The following TCF4 variants were observed in gnomAD, a reference collection of about 807,000 sequenced individuals.
TCF4 encodes the protein transcription factor 4, also known as SL3-3 enhancer factor 2.
A neutral mutation model predicts 82.1 loss-of-function variants in TCF4; 3 were observed. The observed-to-expected ratio is 0.04, with a 90% CI of 0.02 to 0.09. TCF4 has a LOEUF of 0.09. Ranked by LOEUF, TCF4 falls within the 10% of genes least tolerant of loss-of-function variation. TCF4 has a pLI of 1.00. For missense variants in TCF4, 518 were observed against 852.7 expected (o/e 0.61, Z 4.89); for synonymous variants, 276 against 309.6 (o/e 0.89, Z 1.14).
chr18:55,428,881 AT>A (rs2095085080), intron 5 of TCF4, among the ~76,000 whole-genome samples: 1 of 152,140 alleles, frequency 6.6e-6, no homozygotes, highest in Non-Finnish European at 1.5e-5. Context: ...CTGGAGAGAG[AT>A]TTTGGTGAAC....
At chr18:55,585,677 G>T in intron 2 of TCF4, 1 of 893,422 alleles carries the variant, frequency 1.1e-6, no homozygotes, top group Non-Finnish European at 1.4e-6. Flanking sequence ...AAAAACACTA[G>T]TTTCACCAAG....
chr18:55,504,256 G>C (rs1035897174), intron 3 of TCF4, among the ~76,000 whole-genome samples: 1 of 152,296 alleles, frequency 6.6e-6, no homozygotes, highest in East Asian at 1.9e-4. Flanking sequence ...GTATACATGG[G>C]AGAAAAGAGA....
chr18:55,392,370 A>T (rs111740352), intron 6 of TCF4, among the ~76,000 whole-genome samples: 1 of 150,960 alleles, frequency 6.6e-6, no homozygotes, highest in South Asian at 2.1e-4. Flanking sequence ...TACAGTCCCA[A>T]CTACTCAGAG....
chr18:55,518,441 G>A (rs1270101140), intron 3 of TCF4, among the ~76,000 whole-genome samples: 2 of 152,090 alleles, frequency 1.3e-5, no homozygotes, highest in African/African-American at 2.4e-5. Context: ...ATGTAGGAGA[G>A]ACTTAAGTAA....
chr18:55,314,140 A>T (rs2073415675), intron 8 of TCF4, among the ~76,000 whole-genome samples: 1 of 152,174 alleles, frequency 6.6e-6, no homozygotes, highest in Non-Finnish European at 1.5e-5. Context: ...GTAGTCTTTT[A>T]ATCACATCAA....
At chr18:55,351,302 A>G in intron 6 of TCF4, 1 of 339,680 alleles carries the variant, frequency 2.9e-6, no homozygotes, top group Admixed American at 4.6e-5. Context: ...CATTTATATA[A>G]GACTAATGTT....
intron 3 of TCF4, among the ~76,000 whole-genome samples, chr18:55,576,423 A>G (rs2097528660): frequency 6.6e-6 from 1 of 152,222 alleles, no homozygotes; most frequent in South Asian, 2.1e-4. Context: ...ACGCAAACTC[A>G]GTCAAGAAAA....
At chr18:55,367,110 T>C (rs1009340703) in intron 6 of TCF4, among the ~76,000 whole-genome samples, 1 of 152,200 alleles carries the variant, frequency 6.6e-6, no homozygotes, top group African/African-American at 2.4e-5. Flanking sequence ...TGCTCTGTAA[T>C]ACGTGTTGCA....
At chr18:55,250,849 G>T (rs1276158885) in intron 15 of TCF4, among the ~76,000 whole-genome samples, 1 of 152,170 alleles carries the variant, frequency 6.6e-6, no homozygotes, top group Non-Finnish European at 1.5e-5. Context: ...ACAGCTATGC[G>T]GAGCTGGTTA....
chr18:55,457,512 G>A (rs1218184677), intron 5 of TCF4, among the ~76,000 whole-genome samples: 1 of 121,244 alleles, frequency 8.2e-6, no homozygotes, highest in Non-Finnish European at 1.7e-5. Context: ...TTTGAGATGG[G>A]ATCTCACTTA....
chr18:55,340,036 A>G (rs946711579), intron 8 of TCF4, among the ~76,000 whole-genome samples: 1 of 152,200 alleles, frequency 6.6e-6, no homozygotes, highest in Admixed American at 6.5e-5. Flanking sequence ...GGCAAAGCTA[A>G]TATCTTAGGC....
chr18:55,234,813 G>A, intron 15 of TCF4, 130 bp from the exon 16 acceptor site: 1 of 1,340,148 alleles, frequency 7.5e-7, no homozygotes, highest in Non-Finnish European at 1.1e-6. Context: ...TCACTAGAGG[G>A]CGCTGAAGGA....
At chr18:55,570,924 C>A (rs1192303125) in intron 3 of TCF4, among the ~76,000 whole-genome samples, 1 of 148,650 alleles carries the variant, frequency 6.7e-6, no homozygotes. Context: ...TAATGGGATA[C>A]ATTTTCTATT....
chr18:55,248,001 G>A (rs765624359), intron 15 of TCF4, among the ~76,000 whole-genome samples: 1 of 152,170 alleles, frequency 6.6e-6, no homozygotes, highest in Non-Finnish European at 1.5e-5. Flanking sequence ...TTGACTGCTT[G>A]GCAGGAAATC....
At chr18:55,297,409 C>T (rs1189589521) in intron 8 of TCF4, among the ~76,000 whole-genome samples, 1 of 151,924 alleles carries the variant, frequency 6.6e-6, no homozygotes, top group African/African-American at 2.4e-5. Context: ...CTTGTGGATA[C>T]AAAAGTACAA....
At chr18:55,304,159 G>A (rs939485544) in intron 8 of TCF4, among the ~76,000 whole-genome samples, 4 of 152,164 alleles carry the variant, frequency 2.6e-5, no homozygotes, top group African/African-American at 2.4e-5. Context: ...TGTGAATGGC[G>A]GAAGTTGTGA....
intron 3 of TCF4, among the ~76,000 whole-genome samples, chr18:55,564,562 T>C (rs1390825077): frequency 6.6e-6 from 1 of 152,196 alleles, no homozygotes; most frequent in Non-Finnish European, 1.5e-5. Context: ...AAGGTCAAAG[T>C]GTCCGGAACT....
intron 15 of TCF4, among the ~76,000 whole-genome samples, chr18:55,248,318 T>C (rs1009603995): frequency 6.6e-6 from 1 of 152,238 alleles, no homozygotes; most frequent in Non-Finnish European, 1.5e-5. Context: ...TGACCACCAA[T>C]AGCTTCGCTG....
chr18:55,231,642 A>C (rs2047952646), intron 17 of TCF4: 1 of 152,240 alleles, frequency 6.6e-6, no homozygotes, highest in African/African-American at 2.4e-5. Context: ...GAATCAGAAA[A>C]AGACAACAAG....
Sources: allele counts gnomAD v4.1 joint callset (sites outside exome capture counted in the v4.1 genomes callset), GRCh38; gene constraint gnomAD v4.1.1; transcripts MANE v1.5; gene names NCBI Gene and HGNC (gene_info 2026-07-23, HGNC 2026-07-21).